Variants in DNAH11 observed in about 807,000 individuals in gnomAD.
The protein encoded by DNAH11 is axonemal beta dynein heavy chain 11.
DNAH11 carries 442 observed loss-of-function variants against 526.0 expected under a neutral mutation model. The observed-to-expected ratio is 0.84, with a 90% confidence interval of 0.78 to 0.91. DNAH11 has a LOEUF of 0.91. Ranked by LOEUF, DNAH11 falls within the 40% of genes least tolerant of loss-of-function variation. The probability of loss-of-function intolerance (pLI) is 0.00; values close to 1 mark genes in which losing one functional copy is unlikely to be tolerated. For synonymous variants in DNAH11, 2,461 were observed against 1,935.9 expected, an observed-to-expected ratio of 1.27 and a Z score of -7.12; for missense variants, 6,989 against 5,448.7, an observed-to-expected ratio of 1.28 and a Z score of -8.90.
At chr7:21,766,863 C>T (rs1583672814) in intron 55 of DNAH11, among the ~76,000 whole-genome samples, 1 of 152,066 alleles carries the variant, frequency 6.6e-6, no homozygotes, top group African/African-American at 2.4e-5. Flanking sequence ...AGGGAAGAGC[C>T]GTCAAGCAAC....
In DNAH11 at chr7:21,633,734, T is replaced by C. The variant is rs375096990; in HGVS notation, c.4501-2137T>C. ...AGTCTAAGAAGAGACAGAGAGGCTT[T>C]GTGATTAAGGTGGGCGGAAGACCCA... is the stretch of plus-strand genomic sequence containing the variant. On this transcript the variant is annotated intron_variant, in intron 25 of 81. Coordinates refer to ENST00000409508, the MANE Select transcript of DNAH11 (RefSeq NM_001277115.2). 3.3e-5 allele frequency among the ~76,000 whole-genome samples: 5 copies of C among 152,252 alleles called. No homozygotes were observed. In the East Asian group the frequency reaches 7.7e-4, roughly 24 times the overall value.
intron 8 of DNAH11, among the ~76,000 whole-genome samples, chr7:21,581,446 G>T (rs757123859): frequency 1.3e-5 from 2 of 152,180 alleles, no homozygotes; most frequent in Non-Finnish European, 2.9e-5. Flanking sequence ...TAGTGTTTCC[G>T]TGTAGATTTA....
At position 21,808,027 on chromosome 7, in the gene DNAH11, G is replaced by T; in HGVS notation, c.10310G>T (p.Trp3437Leu). Residue 3437 changes from tryptophan to leucine, a missense_variant, in exon 63 of 82, where the codon TGG becomes TTG. Trp to Leu is a moderately conservative substitution (Grantham distance 61, BLOSUM62 -2). Transcript: ENST00000409508. ...QYRQELVHCK[W>L]VPFLQQKVSI... ...CGCCAGGAGCTGGTGCACTGCAAGT[G>T]GGTTCCCTTTCTTCAACAGAAGGTA... 6.4e-7 allele frequency: 1 copy of T among 1,554,134 alleles called. No homozygotes were observed.
At chr7:21,779,336 G>C (rs1204955813) in intron 57 of DNAH11, among the ~76,000 whole-genome samples, 2 of 152,026 alleles carry the variant, frequency 1.3e-5, no homozygotes, top group Non-Finnish European at 2.9e-5. Context: ...AATAAATACT[G>C]AGCTCATTCA....
chr7:21,627,026 G>A (rs1470377840), intron 25 of DNAH11, among the ~76,000 whole-genome samples: 2 of 152,032 alleles, frequency 1.3e-5, no homozygotes, highest in Admixed American at 6.6e-5. Context: ...GGGATTACAG[G>A]CATAATCCAC....
intron 5 of DNAH11, among the ~76,000 whole-genome samples, chr7:21,563,960 G>T (rs552380040): frequency 1.3e-5 from 2 of 152,084 alleles, no homozygotes; most frequent in Non-Finnish European, 1.5e-5. Context: ...TGCTATGTGG[G>T]TAACTAGATC....
At chr7:21,695,671 C>G (rs577653644) in intron 35 of DNAH11, among the ~76,000 whole-genome samples, 1 of 152,218 alleles carries the variant, frequency 6.6e-6, no homozygotes, top group Non-Finnish European at 1.5e-5. Context: ...CCACTCAGGA[C>G]ATAGGCATGG....
rs1562492366 is a variant in DNAH11 at position 21,690,935 on chromosome 7, T to C, written c.6041+54T>C. 2.2e-6 allele frequency: 3 copies of C among 1,362,750 alleles called. No homozygotes were observed. In the East Asian group the frequency reaches 7.0e-5, roughly 32 times the overall value. The allele number at this position is 1,362,750 out of a possible 1,614,324, so 84.4% of individuals were successfully genotyped here. A position where few individuals can be genotyped will look rare whatever the true frequency, so the allele number is the denominator to read the frequency against. Reference sequence around the variant, plus strand: ...CTGGTGCACTCATGCCACCTAATGTTGTTGGTTTGCACTGTTAAGTGGTTT... The same window carrying C: ...CTGGTGCACTCATGCCACCTAATGTCGTTGGTTTGCACTGTTAAGTGGTTT... On this transcript the variant is annotated intron_variant, in intron 35 of 81. Transcript: ENST00000409508.
intron 5 of DNAH11, among the ~76,000 whole-genome samples, chr7:21,561,781 T>C (rs764280129): frequency 6.6e-6 from 1 of 152,234 alleles, no homozygotes; most frequent in Non-Finnish European, 1.5e-5. Flanking sequence ...TGATTTCTGT[T>C]CATGTTTCTT....
intron 30 of DNAH11, among the ~76,000 whole-genome samples, chr7:21,670,109 A>G (rs1782586089): frequency 6.6e-6 from 1 of 152,120 alleles, no homozygotes; most frequent in Admixed American, 6.6e-5. Context: ...GGCAGCCTCT[A>G]AATATAAATT....
At chr7:21,875,626 G>C (rs542766737) in intron 74 of DNAH11, among the ~76,000 whole-genome samples, 34 of 152,188 alleles carry the variant, frequency 2.2e-4, no homozygotes, top group African/African-American at 8.2e-4. Context: ...ACACCACTGT[G>C]CTTCAGCCTG....
chr7:21,779,142 T>C (rs1362779821), intron 57 of DNAH11, 38 bp downstream of exon 57: 2 of 1,581,816 alleles, frequency 1.3e-6, no homozygotes, highest in Admixed American at 1.7e-5. Context: ...CGGAGCTATA[T>C]TTAGCACAAA....
chr7:21,551,037 A>G (rs972704811), intron 2 of DNAH11, among the ~76,000 whole-genome samples: 3 of 152,186 alleles, frequency 2.0e-5, no homozygotes, highest in Non-Finnish European at 4.4e-5. Context: ...ATACACACCC[A>G]TAATTCCTAA....
intron 65 of DNAH11, among the ~76,000 whole-genome samples, chr7:21,842,213 G>A (rs1030205755): frequency 1.3e-5 from 2 of 152,116 alleles, no homozygotes; most frequent in Admixed American, 6.5e-5. Context: ...CAAGTTTATC[G>A]ATTACATCGA....
intron 79 of DNAH11, 128 bp from the exon 80 acceptor site, chr7:21,899,208 T>C: frequency 1.4e-6 from 1 of 727,108 alleles, no homozygotes; most frequent in Non-Finnish European, 2.5e-6. Context: ...CAGGGAAGGA[T>C]TTTACCAGCT....
intron 56 of DNAH11, among the ~76,000 whole-genome samples, chr7:21,776,152 C>T (rs1787663617): frequency 6.6e-6 from 1 of 152,128 alleles, no homozygotes; most frequent in Admixed American, 6.5e-5. Flanking sequence ...CTATGTCTGC[C>T]AAGTCCAGGG....
intron 54 of DNAH11, among the ~76,000 whole-genome samples, chr7:21,753,080 A>G (rs1193498305): frequency 6.6e-6 from 1 of 152,182 alleles, no homozygotes; most frequent in Non-Finnish European, 1.5e-5. Context: ...GCCTCTCACA[A>G]TAGCAAGTCC....
intron 7 of DNAH11, among the ~76,000 whole-genome samples, chr7:21,571,398 G>A (rs913730522): frequency 2.6e-5 from 4 of 151,988 alleles, no homozygotes; most frequent in African/African-American, 9.7e-5. Context: ...TCCCGCCTCA[G>A]CTTCTCAAGT....
At chr7:21,797,770 A>T (rs764145801) in intron 61 of DNAH11, among the ~76,000 whole-genome samples, 10 of 152,210 alleles carry the variant, frequency 6.6e-5, no homozygotes, top group Non-Finnish European at 1.2e-4. Flanking sequence ...TAAGAGTTAC[A>T]TGCCAAGGGC....
Sources: gnomAD v4.1 joint callset for allele counts (sites outside exome capture counted in the v4.1 genomes callset) on GRCh38, gnomAD v4.1.1 for gene constraint, MANE v1.5 for transcripts, NCBI Gene and HGNC (gene_info 2026-07-23, HGNC 2026-07-21) for gene names.